Variants in NEBL observed in about 807,000 individuals in gnomAD.
NEBL encodes the protein LIM and SH3 protein 2.
A neutral mutation model predicts 140.2 loss-of-function variants in NEBL; 122 were observed. That is an observed-to-expected ratio of 0.87 (90% confidence interval 0.75 to 1.01). The LOEUF is 1.01. Among genes scored for constraint, NEBL ranks in the 50% least tolerant of loss-of-function variants. NEBL has a pLI of 0.00. For missense variants in NEBL, 1,365 were observed against 1,231.3 expected (o/e 1.11, Z -1.62); for synonymous variants, 436 against 398.9 (o/e 1.09, Z -1.11).
chr10:21,014,281 G>A (rs1238438004), intron 3 of NEBL, among the ~76,000 whole-genome samples: 2 of 151,960 alleles, frequency 1.3e-5, no homozygotes, highest in Non-Finnish European at 2.9e-5. Flanking sequence ...GAGCCATCAG[G>A]CCTGGCCTAT....
At chr10:21,126,669 C>T (rs143283705) in intron 2 of NEBL, among the ~76,000 whole-genome samples, 1 of 151,956 alleles carries the variant, frequency 6.6e-6, no homozygotes, top group Non-Finnish European at 1.5e-5. Context: ...GACACACAAG[C>T]CAATTAGAAG....
rs566980901 is a variant in NEBL at position 20,882,958 on chromosome 10, T to C, written c.370-2054A>G. On this transcript the variant is annotated intron_variant, in intron 4 of 27. Transcript: ENST00000377122. ...GGCCTTATGAAAAGAGCCTATTTCATGAGACAGAACTTCCAATGTGGGAAG... is the reference window on the plus strand; with the variant it reads ...GGCCTTATGAAAAGAGCCTATTTCACGAGACAGAACTTCCAATGTGGGAAG... 1.3e-4 allele frequency among the ~76,000 whole-genome samples: 20 copies of C among 152,338 alleles called. No homozygotes were observed. The East Asian group carries it at 3.5e-3, about 26-fold the overall frequency.
At chr10:21,009,358 T>C (rs1413641340) in intron 3 of NEBL, among the ~76,000 whole-genome samples, 2 of 152,190 alleles carry the variant, frequency 1.3e-5, no homozygotes, top group African/African-American at 4.8e-5. Context: ...ATTAGATTTA[T>C]CTTAGAAGAC....
chr10:20,923,344 G>C (rs986932704), intron 4 of NEBL, among the ~76,000 whole-genome samples: 1 of 152,002 alleles, frequency 6.6e-6, no homozygotes, highest in African/African-American at 2.4e-5. Flanking sequence ...TGGGATCATA[G>C]GCATGAAACA....
intron 3 of NEBL, among the ~76,000 whole-genome samples, chr10:21,238,037 A>G (rs1032077860): frequency 1.3e-4 from 20 of 152,248 alleles, no homozygotes; most frequent in African/African-American, 4.8e-4. Flanking sequence ...AGCAGCTACC[A>G]GAATTCCTGG....
chr10:21,065,884 T>G (rs1835514124), intron 2 of NEBL, among the ~76,000 whole-genome samples: 1 of 151,962 alleles, frequency 6.6e-6, no homozygotes, highest in African/African-American at 2.4e-5. Context: ...AAAGGGAGGG[T>G]GATGGGTTTC....
chr10:21,011,246 T>C (rs1306678539), intron 3 of NEBL, among the ~76,000 whole-genome samples: 1 of 152,186 alleles, frequency 6.6e-6, no homozygotes, highest in Non-Finnish European at 1.5e-5. Flanking sequence ...GCTGGTCTAG[T>C]GCTATATTTA....
chr10:21,239,972 C>G (rs777623927), intron 3 of NEBL, among the ~76,000 whole-genome samples: 2 of 151,252 alleles, frequency 1.3e-5, no homozygotes, highest in African/African-American at 4.9e-5. Context: ...GCCGAGATTG[C>G]GCCACTGCAC....
intron 2 of NEBL, among the ~76,000 whole-genome samples, chr10:21,148,371 G>A (rs532608186): frequency 7.9e-4 from 121 of 152,294 alleles, no homozygotes; most frequent in African/African-American, 2.2e-3. Flanking sequence ...ACTTTGGTCC[G>A]TGGTTCCCAA....
At chr10:20,840,965 A>C in intron 12 of NEBL, 116 bp from the exon 13 acceptor site, 4 of 700,740 alleles carry the variant, frequency 5.7e-6, no homozygotes, top group Non-Finnish European at 1.0e-5. Flanking sequence ...GGAAGGAATG[A>C]ATCACACAGC....
intron 3 of NEBL, among the ~76,000 whole-genome samples, chr10:20,982,448 T>C (rs988329625): frequency 1.3e-5 from 2 of 152,220 alleles, no homozygotes; most frequent in East Asian, 3.8e-4. Flanking sequence ...GTGATAATCA[T>C]ATTTAAAAGT....
chr10:21,061,086 T>C (rs1835253587), intron 2 of NEBL, among the ~76,000 whole-genome samples: 1 of 151,746 alleles, frequency 6.6e-6, no homozygotes, highest in African/African-American at 2.4e-5. Context: ...GTCATTAGGG[T>C]GGGCCTTAAT....
intron 4 of NEBL, among the ~76,000 whole-genome samples, chr10:20,918,406 A>C (rs991230867): frequency 1.3e-5 from 2 of 152,028 alleles, no homozygotes; most frequent in Non-Finnish European, 2.9e-5. Context: ...TGAGTTTGGG[A>C]AAGTTATTTA....
intron 7 of NEBL, among the ~76,000 whole-genome samples, chr10:20,866,554 C>A (rs887269848): frequency 6.6e-6 from 1 of 152,162 alleles, no homozygotes; most frequent in Non-Finnish European, 1.5e-5. Context: ...ACAACTATAT[C>A]CTCTTGCCCA....
intron 2 of NEBL, among the ~76,000 whole-genome samples, chr10:21,084,646 T>C (rs933085044): frequency 9.2e-5 from 14 of 151,690 alleles, no homozygotes; most frequent in Non-Finnish European, 1.5e-4. Context: ...ATGAAGTCTC[T>C]TGAGGGAAAT....
intron 4 of NEBL, among the ~76,000 whole-genome samples, chr10:20,953,005 C>T (rs915796884): frequency 6.6e-6 from 1 of 150,736 alleles, no homozygotes; most frequent in African/African-American, 2.4e-5. Context: ...AATTATGTGA[C>T]ACTTTGGATA....
At chr10:20,838,815 T>C (rs974817539) in intron 13 of NEBL, among the ~76,000 whole-genome samples, 2 of 152,210 alleles carry the variant, frequency 1.3e-5, no homozygotes, top group African/African-American at 4.8e-5. Flanking sequence ...GATTACCACT[T>C]GCTGAAGGAT....
chr10:20,843,292 G>C (rs919071485), intron 12 of NEBL, among the ~76,000 whole-genome samples: 4 of 152,052 alleles, frequency 2.6e-5, no homozygotes, highest in African/African-American at 9.7e-5. Flanking sequence ...CCAGTCTCCA[G>C]AACTTTGAGA....
chr10:20,972,096 G>C (rs762945320), intron 3 of NEBL, among the ~76,000 whole-genome samples: 9 of 152,158 alleles, frequency 5.9e-5, no homozygotes, highest in Non-Finnish European at 1.0e-4. Flanking sequence ...ATTCAGAAAA[G>C]AAAAGCTACA....
Sources: gnomAD v4.1 joint callset for allele counts (sites outside exome capture counted in the v4.1 genomes callset) on GRCh38, gnomAD v4.1.1 for gene constraint, MANE v1.5 for transcripts, NCBI Gene and HGNC (gene_info 2026-07-23, HGNC 2026-07-21) for gene names.